Variants in MGST2 observed in about 807,000 individuals in gnomAD.
MGST2 encodes the protein microsomal glutathione S-transferase 2, also known as glutathione peroxidase MGST2.
A neutral mutation model predicts 16.6 loss-of-function variants in MGST2; 9 were observed. The ratio of observed to expected loss-of-function variants is 0.54; its 90% CI spans 0.33 to 0.95. The LOEUF (loss-of-function observed/expected upper bound fraction) is 0.95. Ranked by LOEUF, MGST2 falls within the 40% of genes least tolerant of loss-of-function variation. The pLI is 0.03. For synonymous variants in MGST2, 79 were observed against 68.0 expected (o/e 1.16, Z -0.79); for missense variants, 159 against 175.1 (o/e 0.91, Z 0.52).
At chr4:139,690,145 C>G (rs1159273992) in intron 2 of MGST2, among the ~76,000 whole-genome samples, 2 of 152,076 alleles carry the variant, frequency 1.3e-5, no homozygotes, top group African/African-American at 2.4e-5. Flanking sequence ...GCACGCACCA[C>G]CATGCTCAGT....
At chr4:139,751,836 A>G in the MGST2 span, among the ~76,000 whole-genome samples, 1 of 152,226 alleles carries the variant, frequency 6.6e-6, no homozygotes, top group Non-Finnish European at 1.5e-5. Flanking sequence ...TCTAATCCGC[A>G]AAGTATCCAT....
At chr4:139,745,243 T>C (rs746830792), downstream of MGST2, among the ~76,000 whole-genome samples, 37 of 152,136 alleles carry the variant, frequency 2.4e-4, no homozygotes, top group Non-Finnish European at 3.8e-4. Context: ...GGACTGGCCA[T>C]GGACAGATCT....
chr4:139,682,270 G>A (rs556359511), intron 2 of MGST2, among the ~76,000 whole-genome samples: 3 of 151,808 alleles, frequency 2.0e-5, no homozygotes, highest in Admixed American at 6.6e-5. Flanking sequence ...AAACAGAAAG[G>A]ATAGCGTTGT....
At chr4:139,747,314 C>A in the MGST2 span, among the ~76,000 whole-genome samples, 3 of 152,180 alleles carry the variant, frequency 2.0e-5, no homozygotes, top group African/African-American at 7.2e-5. Flanking sequence ...CTTTCCCCCA[C>A]CTTTTAGACA....
chr4:139,746,506 G>A, the MGST2 span, among the ~76,000 whole-genome samples: 1 of 152,150 alleles, frequency 6.6e-6, no homozygotes, highest in East Asian at 1.9e-4. Flanking sequence ...ACAACACTCT[G>A]AAATTACCAC....
rs756305780 is a variant in MGST2 at position 139,703,533 on chromosome 4, A to G, written c.308A>G (p.Lys103Arg). 6.2e-7 allele frequency: 1 copy of G among 1,613,758 alleles called. No homozygotes were observed. Among genetic ancestry groups the G allele is most frequent in the Non-Finnish European group, 8.5e-7 (1 of 1,179,716 alleles). ...YFWGYSEAAK[K>R]RITGFRLSLG... is the part of the protein sequence containing the mutation. ...TGGGGATATTCAGAAGCTGCTAAAA[A>G]ACGGTAAGGAGAACCCAGTAATTTT... The change falls in exon 4 of 5, where the codon AAA (lysine) becomes AGA (arginine). Residue 103 changes from lysine to arginine, a missense_variant. Physicochemically the swap from Lys to Arg is conservative, Grantham distance 26. Coordinates refer to ENST00000265498, the MANE Select transcript of MGST2 (RefSeq NM_002413.5).
chr4:139,670,747 T>C (rs929667282), intron 1 of MGST2, among the ~76,000 whole-genome samples: 2 of 151,992 alleles, frequency 1.3e-5, no homozygotes, highest in African/African-American at 2.4e-5. Flanking sequence ...ATGCTGTCTC[T>C]ATTAAAAATA....
chr4:139,695,291 G>A, intron 3 of MGST2, 24 bp downstream of exon 3: 6 of 1,554,900 alleles, frequency 3.9e-6, no homozygotes, highest in Non-Finnish European at 5.3e-6. Flanking sequence ...ACAGTCAACT[G>A]TGTTCTAATG....
At chr4:139,725,756 A>G (rs1347496300) in intron 5 of MGST2, 13 of 1,613,892 alleles carry the variant, frequency 8.1e-6, no homozygotes, top group Non-Finnish European at 1.1e-5. Context: ...CTCACCTTGA[A>G]ACTGATTGAC....
chr4:139,732,576 AT>A (rs5862431), intron 5 of MGST2, among the ~76,000 whole-genome samples: 139,237 of 146,064 alleles, frequency 0.95, 66,549 homozygotes, highest in Non-Finnish European at 0.99. Context: ...CTAGAACGCT[AT>A]TTTTTTTTTT....
At chr4:139,699,590 ATTT>A (rs1422469583) in intron 3 of MGST2, among the ~76,000 whole-genome samples, 3 of 152,100 alleles carry the variant, frequency 2.0e-5, no homozygotes, top group Admixed American at 1.3e-4. Context: ...ATTTATGTTT[ATTT>A]TTGTAAAGCC....
chr4:139,703,551 G>A lies in MGST2; in HGVS notation c.311+15G>A. On this transcript the variant is annotated intron_variant, in intron 4 of 4. Transcript: ENST00000265498. ...GCTAAAAAACGGTAAGGAGAACCCA[G>A]TAATTTTGTATTTATGCAAAAAGTA... 6.2e-7 allele frequency: 1 copy of A among 1,609,538 alleles called. No homozygotes were observed. The highest frequency in any genetic ancestry group is 8.5e-7 in the Non-Finnish European group (1 of 1,175,930).
the MGST2 span, among the ~76,000 whole-genome samples, chr4:139,746,503 T>A: frequency 2.0e-5 from 3 of 152,158 alleles, no homozygotes; most frequent in Non-Finnish European, 4.4e-5. Flanking sequence ...TCCACAACAC[T>A]CTGAAATTAC....
At chr4:139,723,724 A>G (rs1240675982) in intron 5 of MGST2, among the ~76,000 whole-genome samples, 3 of 152,196 alleles carry the variant, frequency 2.0e-5, no homozygotes, top group Admixed American at 6.5e-5. Context: ...CAAATAATAC[A>G]TGAGTTATGA....
intron 3 of MGST2, among the ~76,000 whole-genome samples, chr4:139,696,564 A>C (rs988142464): frequency 6.6e-6 from 1 of 152,114 alleles, no homozygotes; most frequent in Non-Finnish European, 1.5e-5. Context: ...CGTGGTGTCT[A>C]TTAGCTCTTG....
intron 2 of MGST2, chr4:139,685,495 TTAAC>T (rs1731511577): frequency 6.6e-6 from 1 of 152,186 alleles, no homozygotes; most frequent in Non-Finnish European, 1.5e-5. Context: ...TTTTTTTTCT[TTAAC>T]TAGCATTTTA....
chr4:139,726,662 C>G (rs1339414548), intron 5 of MGST2, among the ~76,000 whole-genome samples: 2 of 151,152 alleles, frequency 1.3e-5, no homozygotes, highest in African/African-American at 2.4e-5. Context: ...GCCACACTGC[C>G]TGTAAAATAC....
At chr4:139,727,412 CTG>C (rs1728518575) in intron 5 of MGST2, among the ~76,000 whole-genome samples, 1 of 152,254 alleles carries the variant, frequency 6.6e-6, no homozygotes, top group Admixed American at 6.5e-5. Flanking sequence ...AAGAATTTAA[CTG>C]TCCCACTTAC....
chr4:139,719,776 G>A (rs978574321), intron 5 of MGST2: 33 of 1,613,540 alleles, frequency 2.0e-5, no homozygotes, highest in African/African-American at 2.7e-5. Flanking sequence ...CTTGAAGAGG[G>A]TAGCTGGCGC....
Sources: allele counts gnomAD v4.1 joint callset (sites outside exome capture counted in the v4.1 genomes callset), GRCh38; gene constraint gnomAD v4.1.1; transcripts MANE v1.5; gene names NCBI Gene and HGNC (gene_info 2026-07-23, HGNC 2026-07-21).